The following USP33 variants were observed in gnomAD, a reference collection of about 807,000 sequenced individuals.
USP33 encodes ubiquitin specific peptidase 33.
Under a neutral mutation model 124.2 loss-of-function variants are expected in USP33, and 46 were observed. That is an observed-to-expected ratio of 0.37 (90% CI 0.29 to 0.47). The LOEUF (loss-of-function observed/expected upper bound fraction) is 0.47. Ranked by LOEUF, USP33 falls within the 20% of genes least tolerant of loss-of-function variation. The pLI is 0.99. For missense variants in USP33, 851 were observed against 1,070.6 expected, an observed-to-expected ratio of 0.79 and a Z score of 2.86; for synonymous variants, 350 against 352.3, an observed-to-expected ratio of 0.99 and a Z score of 0.07.
chr1:77,700,480 A>C (rs1391432660), intron 22 of USP33, among the ~76,000 whole-genome samples: 1 of 152,126 alleles, frequency 6.6e-6, no homozygotes, highest in South Asian at 2.1e-4. Context: ...GTGGTAGTAC[A>C]TGCCTGTAGT....
chr1:77,711,795 C>T lies in USP33; in HGVS notation c.2358G>A (p.Ala786=), dbSNP rs771503696. 5.6e-6 allele frequency: 9 copies of T among 1,609,630 alleles called. No homozygotes were observed. Among genetic ancestry groups the T allele is most frequent in the Admixed American group, 3.4e-5 (2 of 58,804 alleles). ...LYICHTCQIE[A]EKIEKRRKTE... The stretch of plus-strand genomic sequence containing the variant: ...TTTTTCTTCTTTTTTCAATTTTCTC[C>T]GCCTCAATTTGGCAAGTATGACAAA... The change falls in exon 21 of 24, where the codon GCG becomes GCA. Residue 786 remains alanine, a synonymous_variant. Transcript: ENST00000370794.
At position 77,718,103 on chromosome 1, in the gene USP33, A is replaced by G. The variant is rs781647637; in HGVS notation, c.1738-56T>C. 3.8e-5 allele frequency: 54 copies of G among 1,438,808 alleles called. 1 individual carries two copies. The highest frequency in any genetic ancestry group is 1.8e-4 in the Middle Eastern group (1 of 5,556). 89.1% of individuals were successfully genotyped at this position (1,438,808 alleles called of 1,614,324 possible). A position where few individuals can be genotyped will look rare whatever the true frequency, so the allele number is the denominator to read the frequency against. On this transcript the variant is annotated intron_variant, in intron 16 of 23. Transcript: ENST00000370794. ...GTCAATACAGAAAACAAAAAGCATTATAACAGGTAAAACTTAGTAACATTT... is the reference window on the plus strand; with the variant it reads ...GTCAATACAGAAAACAAAAAGCATTGTAACAGGTAAAACTTAGTAACATTT...
intron 7 of USP33, among the ~76,000 whole-genome samples, chr1:77,732,950 C>T (rs1030897306): frequency 6.6e-6 from 1 of 151,900 alleles, no homozygotes; most frequent in East Asian, 1.9e-4. Context: ...CACACCACCA[C>T]ACCCGGCTAA....
chr1:77,723,710 C>A (rs867105221), intron 11 of USP33, among the ~76,000 whole-genome samples: 1 of 152,250 alleles, frequency 6.6e-6, no homozygotes, highest in East Asian at 1.9e-4. Context: ...GTTGCCCACA[C>A]TGGAGTGCAG....
intron 10 of USP33, among the ~76,000 whole-genome samples, chr1:77,727,715 C>A (rs1677322569): frequency 6.6e-6 from 1 of 152,168 alleles, no homozygotes. Flanking sequence ...ATTTTGTGTG[C>A]TTTGGAAAAC....
At chr1:77,710,809 G>A (rs1675164033) in intron 21 of USP33, among the ~76,000 whole-genome samples, 1 of 152,148 alleles carries the variant, frequency 6.6e-6, no homozygotes, top group Admixed American at 6.6e-5. Context: ...GTAGATTTAT[G>A]AATAAACGTG....
chr1:77,712,632 T>C (rs1376590792), intron 20 of USP33, among the ~76,000 whole-genome samples: 4 of 151,338 alleles, frequency 2.6e-5, no homozygotes, highest in Admixed American at 2.6e-4. Flanking sequence ...AGCCCAGGAG[T>C]TCAAGATCAG....
chr1:77,732,714 G>T (rs948888906), intron 7 of USP33, among the ~76,000 whole-genome samples: 1 of 151,188 alleles, frequency 6.6e-6, no homozygotes, highest in Non-Finnish European at 1.5e-5. Flanking sequence ...GGAGCATTCT[G>T]CTAGGAATGC....
chr1:77,721,162 T>G lies in USP33; in HGVS notation c.1691+10A>C. 1 of 1,613,886 alleles carries G rather than the reference T, an allele frequency of 6.2e-7. No individual in the cohort carries two copies. Among genetic ancestry groups the G allele is most frequent in the South Asian group, 1.1e-5 (1 of 91,064 alleles). Reference sequence around the variant, plus strand: ...AACATGCAATTAAAAGCACTGTCAATGTCACTTACTTTTTGCATTTTTCAC... The same window carrying G: ...AACATGCAATTAAAAGCACTGTCAAGGTCACTTACTTTTTGCATTTTTCAC... On this transcript the variant is annotated intron_variant, in intron 15 of 23. Coordinates refer to ENST00000370794, the MANE Select transcript of USP33 (RefSeq NM_201624.3).
rs1225870398 is a variant in USP33, at chr1:77,716,004, T to C, written c.1919-136A>G. 4.4e-6 allele frequency: 4 copies of C among 910,944 alleles called. No homozygotes were observed. In the East Asian group the frequency reaches 8.4e-5, roughly 19 times the overall value. The allele number at this position is 910,944 out of a possible 1,614,324, so 56.4% of individuals were successfully genotyped here. ...ATTATGCTTGTATTTTTTTTTCAGTTTGCACGCTTGCCACCATTCCTTCAT... is the reference window on the plus strand; with the variant it reads ...ATTATGCTTGTATTTTTTTTTCAGTCTGCACGCTTGCCACCATTCCTTCAT... On this transcript the variant is annotated intron_variant, in intron 17 of 23. Coordinates refer to ENST00000370794, the MANE Select transcript of USP33 (RefSeq NM_201624.3).
chr1:77,750,242 C>T (rs1322976630), intron 1 of USP33, among the ~76,000 whole-genome samples: 2 of 152,080 alleles, frequency 1.3e-5, no homozygotes, highest in Non-Finnish European at 2.9e-5. Flanking sequence ...CACTTGAACC[C>T]AGGAGGCAGA....
At chr1:77,707,283 G>A (rs1474061023) in intron 21 of USP33, among the ~76,000 whole-genome samples, 1 of 152,100 alleles carries the variant, frequency 6.6e-6, no homozygotes, top group Non-Finnish European at 1.5e-5. Context: ...GAGGCTCTAG[G>A]GGAAGACTCC....
chr1:77,727,284 T>G (rs1458790586), intron 10 of USP33, among the ~76,000 whole-genome samples: 1 of 152,192 alleles, frequency 6.6e-6, no homozygotes, highest in Admixed American at 6.5e-5. Context: ...ATTTAGGTCA[T>G]CCCCTTGTTA....
At chr1:77,747,944 A>G (rs1306780317) in intron 1 of USP33, among the ~76,000 whole-genome samples, 1 of 152,120 alleles carries the variant, frequency 6.6e-6, no homozygotes, top group Non-Finnish European at 1.5e-5. Flanking sequence ...TGGATTCTCT[A>G]TTTTATTCCA....
At chr1:77,729,132 C>T (rs914168376) in intron 9 of USP33, among the ~76,000 whole-genome samples, 5 of 152,090 alleles carry the variant, frequency 3.3e-5, no homozygotes, top group African/African-American at 1.2e-4. Flanking sequence ...TCTCAAGCTC[C>T]TGGGCTTAAG....
chr1:77,730,027 T>C (rs1677624979), intron 8 of USP33, 89 bp from the exon 9 acceptor site: 3 of 1,226,664 alleles, frequency 2.4e-6, no homozygotes, highest in Non-Finnish European at 3.5e-6. Flanking sequence ...AAGTGTTAAA[T>C]AAATTGAAAA....
intron 18 of USP33, among the ~76,000 whole-genome samples, 178 bp downstream of exon 18, chr1:77,715,564 C>G (rs1471079468): frequency 6.6e-6 from 1 of 152,216 alleles, no homozygotes; most frequent in African/African-American, 2.4e-5. Flanking sequence ...AATGATTTAG[C>G]ATTTTCTGAA....
intron 22 of USP33, among the ~76,000 whole-genome samples, chr1:77,699,857 C>G (rs1182862030): frequency 6.6e-6 from 1 of 152,170 alleles, no homozygotes; most frequent in African/African-American, 2.4e-5. Context: ...GAATACTACG[C>G]AGCCATAAAA....
In USP33 at chr1:77,713,317, TTAATTA is replaced by T. The variant is rs770030008; in HGVS notation, c.2216-42_2216-37del. 8.6e-6 allele frequency: 13 copies of T among 1,511,972 alleles called. No homozygotes were observed. In the South Asian group the frequency reaches 1.6e-4, roughly 18 times the overall value. The allele number at this position is 1,511,972 out of a possible 1,614,324, so 93.7% of individuals were successfully genotyped here. A position where few individuals can be genotyped will look rare whatever the true frequency, so the allele number is the denominator to read the frequency against. ...ATATAAACATATCTGTTTCATGCTTTTAATTATATTCCTTTCAAACATTAAACTCAT... is the reference window on the plus strand; with the variant it reads ...ATATAAACATATCTGTTTCATGCTTTTATTCCTTTCAAACATTAAACTCAT... On this transcript the variant is annotated intron_variant, in intron 19 of 23. Transcript: ENST00000370794.
Sources: gnomAD v4.1 joint callset for allele counts (sites outside exome capture counted in the v4.1 genomes callset) on GRCh38, gnomAD v4.1.1 for gene constraint, MANE v1.5 for transcripts, NCBI Gene and HGNC (gene_info 2026-07-23, HGNC 2026-07-21) for gene names.